PDE4B: variants seen among roughly 807,000 people sequenced by gnomAD.
PDE4B encodes the protein phosphodiesterase 4B, also known as 3',5'-cyclic-AMP phosphodiesterase 4B.
A neutral mutation model predicts 82.2 loss-of-function variants in PDE4B; 20 were observed. That is an observed-to-expected ratio of 0.24 (90% CI 0.17 to 0.35). The LOEUF is 0.35. Among genes scored for constraint, PDE4B ranks in the 10% least tolerant of loss-of-function variants. The pLI is 1.00. For synonymous variants in PDE4B, 320 were observed against 318.9 expected (o/e 1.00, Z -0.04); for missense variants, 655 against 907.2 (o/e 0.72, Z 3.57).
At chr1:66,087,663 A>C (rs1337057530) in intron 3 of PDE4B, among the ~76,000 whole-genome samples, 1 of 152,014 alleles carries the variant, frequency 6.6e-6, no homozygotes, top group African/African-American at 2.4e-5. Flanking sequence ...TGTGGCACTT[A>C]TACACCATGG....
chr1:66,329,456 T>C (rs1259775810), intron 7 of PDE4B, among the ~76,000 whole-genome samples: 3 of 152,218 alleles, frequency 2.0e-5, no homozygotes, highest in Admixed American at 2.0e-4. Flanking sequence ...ATTTTACTGC[T>C]TTTTCAACAA....
chr1:65,912,468 A>G (rs1647103813), intron 1 of PDE4B, among the ~76,000 whole-genome samples: 1 of 152,092 alleles, frequency 6.6e-6, no homozygotes. Context: ...GCACCCTTAA[A>G]TTCTGGTAGT....
intron 3 of PDE4B, among the ~76,000 whole-genome samples, chr1:65,928,992 A>G (rs983087844): frequency 6.6e-6 from 1 of 152,144 alleles, no homozygotes; most frequent in Non-Finnish European, 1.5e-5. Flanking sequence ...CTTAATATCC[A>G]TTCCCATGTT....
chr1:66,159,178 A>G (rs1043661721), intron 3 of PDE4B, among the ~76,000 whole-genome samples: 3 of 152,280 alleles, frequency 2.0e-5, no homozygotes, highest in African/African-American at 4.8e-5. Flanking sequence ...GTGTACATGT[A>G]TTGGAACATC....
At chr1:66,048,001 T>C (rs1288528936) in intron 3 of PDE4B, among the ~76,000 whole-genome samples, 4 of 151,922 alleles carry the variant, frequency 2.6e-5, no homozygotes, top group African/African-American at 4.8e-5. Flanking sequence ...GTTCTTTCTT[T>C]GGATGGCGTC....
At chr1:66,043,976 C>T (rs1449074446) in intron 3 of PDE4B, among the ~76,000 whole-genome samples, 1 of 151,670 alleles carries the variant, frequency 6.6e-6, no homozygotes. Flanking sequence ...ATTTATGTCT[C>T]ACTTGGTTAT....
chr1:65,841,319 AAAAG>A (rs1355230287), intron 1 of PDE4B, among the ~76,000 whole-genome samples: 1 of 151,986 alleles, frequency 6.6e-6, no homozygotes, highest in East Asian at 1.9e-4. Flanking sequence ...AGGAAAGAAA[AAAAG>A]AGAGAGAGAG....
chr1:66,322,211 T>TA (rs1407788053), intron 7 of PDE4B, among the ~76,000 whole-genome samples: 1 of 152,152 alleles, frequency 6.6e-6, no homozygotes, highest in Non-Finnish European at 1.5e-5. Flanking sequence ...TCTAACACCA[T>TA]AAAAACCCTA....
At chr1:66,372,108 A>G (rs1333647316) in intron 16 of PDE4B, among the ~76,000 whole-genome samples, 2 of 152,304 alleles carry the variant, frequency 1.3e-5, no homozygotes, top group African/African-American at 2.4e-5. Flanking sequence ...GTAAACAGCA[A>G]TACTTACCTT....
chr1:66,226,666 A>C (rs1436836136), intron 3 of PDE4B, among the ~76,000 whole-genome samples: 1 of 152,276 alleles, frequency 6.6e-6, no homozygotes, highest in Non-Finnish European at 1.5e-5. Flanking sequence ...AAGAAGGAAA[A>C]TTGTATAAAA....
chr1:66,282,428 C>T (rs575294154), intron 7 of PDE4B, among the ~76,000 whole-genome samples: 17 of 152,318 alleles, frequency 1.1e-4, no homozygotes, highest in Admixed American at 3.9e-4. Context: ...GCTTAAAAGA[C>T]ACCCCCAGCC....
chr1:65,948,831 T>A (rs1648848094), intron 3 of PDE4B, among the ~76,000 whole-genome samples: 2 of 152,088 alleles, frequency 1.3e-5, no homozygotes, highest in African/African-American at 4.8e-5. Context: ...TCAGTTGATG[T>A]GTTTTGGGTC....
chr1:66,018,403 G>A lies in PDE4B; in HGVS notation c.281+99568G>A, dbSNP rs369339482. ...CCACTGCACTCCAGCCTGGGCGACA[G>A]GGTGAGACTCTGTCTCACAAAAAAT... On this transcript the variant is annotated intron_variant, in intron 3 of 16. Transcript: ENST00000341517. Among the ~76,000 whole-genome samples the A allele has an allele frequency of 2.9e-3, 441 of 152,182 alleles. 1 individual carries two copies. The highest frequency in any genetic ancestry group is 1.0e-2 in the African/African-American group (414 of 41,532).
At chr1:65,808,106 G>A (rs1198333221) in intron 1 of PDE4B, among the ~76,000 whole-genome samples, 1 of 151,482 alleles carries the variant, frequency 6.6e-6, no homozygotes, top group Admixed American at 6.6e-5. Context: ...TGAAGTGTAA[G>A]TAGGGCTTTG....
intron 1 of PDE4B, among the ~76,000 whole-genome samples, chr1:65,908,557 A>G (rs1447184344): frequency 6.6e-6 from 1 of 152,192 alleles, no homozygotes; most frequent in Non-Finnish European, 1.5e-5. Flanking sequence ...TTTAGTATAC[A>G]TACATTTAGT....
chr1:65,948,355 A>G (rs2100564490), intron 3 of PDE4B, among the ~76,000 whole-genome samples: 2 of 151,998 alleles, frequency 1.3e-5, no homozygotes, highest in South Asian at 4.2e-4. Flanking sequence ...AACTTACATG[A>G]TCACAAGGTC....
At position 66,372,978 on chromosome 1, in the gene PDE4B, A is replaced by G. The variant is rs2050837711; in HGVS notation, c.*300A>G. The G allele has an allele frequency of 6.9e-6, 2 of 288,844 alleles. No individual in the cohort carries two copies. Among genetic ancestry groups the G allele is most frequent in the South Asian group, 1.7e-4 (2 of 12,034 alleles). 17.9% of individuals were successfully genotyped at this position (288,844 alleles called of 1,614,324 possible). A position where few individuals can be genotyped will look rare whatever the true frequency, so the allele number is the denominator to read the frequency against. On this transcript the variant is annotated 3_prime_UTR_variant, in exon 17 of 17. Transcript: ENST00000341517. ...ACACAAAACTGAGAGATCATTCTGC[A>G]CTAAGTTTCGGGAACTTATCCCCGA...
At chr1:66,210,731 A>G (rs1649977459) in intron 3 of PDE4B, among the ~76,000 whole-genome samples, 1 of 152,108 alleles carries the variant, frequency 6.6e-6, no homozygotes, top group Non-Finnish European at 1.5e-5. Context: ...CCAAACAGGC[A>G]GGAGCAAGAA....
In PDE4B at chr1:66,044,525, G is replaced by A. The variant is rs993825562; in HGVS notation, c.281+125690G>A. 5.3e-5 allele frequency among the ~76,000 whole-genome samples: 8 copies of A among 151,690 alleles called. No homozygotes were observed. In the South Asian group the frequency reaches 1.0e-3, roughly 20 times the overall value. Reference sequence around the variant, plus strand: ...AATTGCTTTAGCAGAGGGATCACAAGCGATATATATTTTTTAAGTAAATGT... The same window carrying A: ...AATTGCTTTAGCAGAGGGATCACAAACGATATATATTTTTTAAGTAAATGT... On this transcript the variant is annotated intron_variant, in intron 3 of 16. Coordinates refer to ENST00000341517, the MANE Select transcript of PDE4B (RefSeq NM_002600.4).
Sources: gnomAD v4.1 joint callset for allele counts (sites outside exome capture counted in the v4.1 genomes callset) on GRCh38, gnomAD v4.1.1 for gene constraint, MANE v1.5 for transcripts, NCBI Gene and HGNC (gene_info 2026-07-23, HGNC 2026-07-21) for gene names.